Variants in C8orf34 observed in about 807,000 individuals in gnomAD.
The protein encoded by C8orf34 is chromosome 8 open reading frame 34.
C8orf34 carries 65 observed loss-of-function variants against 68.3 expected under a neutral mutation model. That is an observed-to-expected ratio of 0.95 (90% CI 0.78 to 1.17). The LOEUF (loss-of-function observed/expected upper bound fraction) is 1.17. C8orf34 is among the 50% of genes most tolerant of loss of function. The pLI is 0.00. For missense variants in C8orf34, 664 were observed against 655.4 expected (o/e 1.01, Z -0.14); for synonymous variants, 244 against 241.2 (o/e 1.01, Z -0.11).
chr8:68,571,446 G>A (rs540790557), intron 7 of C8orf34, among the ~76,000 whole-genome samples: 1 of 152,274 alleles, frequency 6.6e-6, no homozygotes, highest in South Asian at 2.1e-4. Context: ...GAGGATACAA[G>A]GTCAAGTCTA....
chr8:68,330,713 A>G (rs1805527849), upstream of C8orf34: 2 of 317,490 alleles, frequency 6.3e-6, no homozygotes, highest in Admixed American at 5.1e-5. Context: ...AGCGGCTGGT[A>G]GGGCGAGCAG....
chr8:68,618,432 AC>A (rs1818292617), intron 7 of C8orf34, among the ~76,000 whole-genome samples: 1 of 152,040 alleles, frequency 6.6e-6, no homozygotes, highest in African/African-American at 2.4e-5. Context: ...GCTCACTGAA[AC>A]CTGCTTCCCA....
At chr8:68,665,808 A>G (rs1274492733) in intron 8 of C8orf34, among the ~76,000 whole-genome samples, 1 of 146,784 alleles carries the variant, frequency 6.8e-6, no homozygotes, top group Non-Finnish European at 1.5e-5. Context: ...CTTTTTTCTC[A>G]AAGTATCGTC....
chr8:68,441,051 T>A (rs941814862), intron 2 of C8orf34, among the ~76,000 whole-genome samples: 2 of 152,044 alleles, frequency 1.3e-5, no homozygotes, highest in Non-Finnish European at 1.5e-5. Flanking sequence ...TGATCCGCCC[T>A]CCTTGGCCTC....
At chr8:68,775,600 GGA>G (rs780617430) in intron 10 of C8orf34, among the ~76,000 whole-genome samples, 1 of 152,132 alleles carries the variant, frequency 6.6e-6, no homozygotes, top group Non-Finnish European at 1.5e-5. Context: ...TGTAAAGTCT[GGA>G]TATAAAGGTT....
intron 10 of C8orf34, among the ~76,000 whole-genome samples, chr8:68,767,666 C>T (rs1228762087): frequency 6.6e-6 from 1 of 152,184 alleles, no homozygotes; most frequent in African/African-American, 2.4e-5. Flanking sequence ...AATGGGATCT[C>T]ACTGTTATTC....
At position 68,694,928 on chromosome 8, in the gene C8orf34, T is replaced by C. The variant is rs544621029; in HGVS notation, c.1242-14066T>C. ...TTTATTTGTTATTAACAAATTTCAG[T>C]ATGATGTCCAAATACCAATAACGGA... On this transcript the variant is annotated intron_variant, in intron 8 of 13. Transcript: ENST00000518698. Among the ~76,000 whole-genome samples, 9 of 152,136 alleles carry C rather than the reference T, an allele frequency of 5.9e-5. No homozygotes were observed. In the East Asian group the frequency reaches 1.7e-3, roughly 29 times the overall value.
At chr8:68,377,755 C>T (rs932257550) in intron 1 of C8orf34, among the ~76,000 whole-genome samples, 11 of 151,884 alleles carry the variant, frequency 7.2e-5, no homozygotes, top group Admixed American at 5.9e-4. Flanking sequence ...TTTGTTCTCA[C>T]GCTGCTATGA....
chr8:68,732,196 A>G (rs1821997166), intron 10 of C8orf34, among the ~76,000 whole-genome samples: 1 of 152,240 alleles, frequency 6.6e-6, no homozygotes, highest in Admixed American at 6.5e-5. Flanking sequence ...AGTTCTTAAT[A>G]CATTCCAGAG....
chr8:68,562,675 C>A, intron 7 of C8orf34, among the ~76,000 whole-genome samples: 1 of 151,984 alleles, frequency 6.6e-6, no homozygotes, highest in Middle Eastern at 3.2e-3. Context: ...TGCATGAAGG[C>A]AAAGAAGAGG....
chr8:68,698,495 G>A (rs1820898961), intron 8 of C8orf34, among the ~76,000 whole-genome samples: 1 of 152,034 alleles, frequency 6.6e-6, no homozygotes, highest in Non-Finnish European at 1.5e-5. Context: ...AAAGAAGTCA[G>A]CTATCTAACA....
At position 68,647,558 on chromosome 8, in the gene C8orf34, G is replaced by T. The variant is rs545496569; in HGVS notation, c.1241+7047G>T. 2.0e-5 allele frequency among the ~76,000 whole-genome samples: 3 copies of T among 152,222 alleles called. No homozygotes were observed. The South Asian group carries it at 6.2e-4, about 32-fold the overall frequency. ...GTAATGGGACTGACACATTGTACTG[G>T]GAATGACTGAGGGATTTGAGAGATA... On this transcript the variant is annotated intron_variant, in intron 8 of 13. Transcript: ENST00000518698.
intron 10 of C8orf34, 95 bp downstream of exon 10, chr8:68,721,532 C>A: frequency 2.5e-6 from 2 of 814,200 alleles, no homozygotes; most frequent in Non-Finnish European, 3.9e-6. Flanking sequence ...AGCCAGCTTT[C>A]TTACTGATTA....
chr8:68,525,454 C>G (rs1814933253), intron 6 of C8orf34: 1 of 539,796 alleles, frequency 1.9e-6, no homozygotes, highest in Non-Finnish European at 3.3e-6. Context: ...CAAGTTCAAT[C>G]CAAAACAAAT....
At chr8:68,376,882 A>G (rs1807825627) in intron 1 of C8orf34, among the ~76,000 whole-genome samples, 1 of 152,132 alleles carries the variant, frequency 6.6e-6, no homozygotes, top group Non-Finnish European at 1.5e-5. Flanking sequence ...GTGAGAAAAT[A>G]TCAACAGAAG....
At chr8:68,666,400 A>G (rs2130826722) in intron 8 of C8orf34, among the ~76,000 whole-genome samples, 1 of 152,318 alleles carries the variant, frequency 6.6e-6, no homozygotes, top group Non-Finnish European at 1.5e-5. Flanking sequence ...GCCCTTTTGG[A>G]GTGGACAACC....
chr8:68,601,183 C>CT (rs1249499606), intron 7 of C8orf34, among the ~76,000 whole-genome samples: 3 of 151,916 alleles, frequency 2.0e-5, no homozygotes, highest in African/African-American at 7.2e-5. Flanking sequence ...GCTTTCAATA[C>CT]TTTTTTTTAG....
chr8:68,749,695 T>C (rs1417995971), intron 10 of C8orf34, among the ~76,000 whole-genome samples: 1 of 152,178 alleles, frequency 6.6e-6, no homozygotes, highest in African/African-American at 2.4e-5. Context: ...GGAATAATAC[T>C]GTATATGTTA....
Position 68,600,679 on chromosome 8 carries a change from G to A in C8orf34, c.1106-39697G>A, listed in dbSNP as rs545944282. Among the ~76,000 whole-genome samples the A allele has an allele frequency of 6.6e-5, 10 of 152,124 alleles. No homozygotes were observed. In the South Asian group the frequency reaches 8.3e-4, roughly 13 times the overall value. The stretch of plus-strand genomic sequence containing the variant: ...ATTTATGGGGTATATGTGATATTTC[G>A]CTACATGCAAATAATGTGTAATGAT... On this transcript the variant is annotated intron_variant, in intron 7 of 13. Transcript: ENST00000518698.
Sources: allele counts gnomAD v4.1 joint callset (sites outside exome capture counted in the v4.1 genomes callset), GRCh38; gene constraint gnomAD v4.1.1; transcripts MANE v1.5; gene names NCBI Gene and HGNC (gene_info 2026-07-23, HGNC 2026-07-21).